PLXNA4: variants seen among roughly 807,000 people sequenced by gnomAD.
PLXNA4 encodes plexin A4, also known as plexin-A4.
A neutral mutation model predicts 191.8 loss-of-function variants in PLXNA4; 44 were observed. That is an observed-to-expected ratio of 0.23 (90% CI 0.18 to 0.29). The LOEUF is 0.29. PLXNA4 is among the 10% of genes least tolerant of loss of function. PLXNA4 has a pLI of 1.00. For missense variants in PLXNA4, 1,800 were observed against 2,488.8 expected, an observed-to-expected ratio of 0.72 and a Z score of 5.89; for synonymous variants, 1,082 against 1,009.5, an observed-to-expected ratio of 1.07 and a Z score of -1.36.
At position 132,442,506 on chromosome 7, in the gene PLXNA4, C is replaced by T. The variant is rs1404506244; in HGVS notation, c.1371+46786G>A. On this transcript the variant is annotated intron_variant, in intron 3 of 31. Coordinates refer to ENST00000321063, the MANE Select transcript of PLXNA4 (RefSeq NM_020911.2). ...TACTTTTCTCGAACGGGCAACTTTC[C>T]CCACCACCTACGTGTTCTTTCTAGA... Among the ~76,000 whole-genome samples, 3 of 152,192 alleles carry T rather than the reference C, an allele frequency of 2.0e-5. No homozygotes were observed. The East Asian group carries it at 5.8e-4, about 29-fold the overall frequency.
intron 3 of PLXNA4, among the ~76,000 whole-genome samples, chr7:132,307,193 C>A (rs995813188): frequency 2.0e-5 from 3 of 152,238 alleles, no homozygotes; most frequent in Non-Finnish European, 2.9e-5. Flanking sequence ...AGACTGCACT[C>A]ATAGAAGCAC....
chr7:132,584,210 A>G (rs1467867872), intron 2 of PLXNA4, among the ~76,000 whole-genome samples: 1 of 152,342 alleles, frequency 6.6e-6, no homozygotes, highest in African/African-American at 2.4e-5. Context: ...CTTTCTGTCC[A>G]TACCCCACCT....
At chr7:132,451,449 A>T (rs1316491214) in intron 3 of PLXNA4, among the ~76,000 whole-genome samples, 1 of 152,184 alleles carries the variant, frequency 6.6e-6, no homozygotes, top group Non-Finnish European at 1.5e-5. Context: ...TTGAGGAAGC[A>T]TGTCCACAAG....
At chr7:132,206,461 TG>T in intron 10 of PLXNA4, among the ~76,000 whole-genome samples, 1 of 151,946 alleles carries the variant, frequency 6.6e-6, no homozygotes, top group East Asian at 1.9e-4. Context: ...TGTGTGTGTG[TG>T]TGTGTGTGTG....
At chr7:132,281,606 C>T (rs1488152604) in intron 4 of PLXNA4, among the ~76,000 whole-genome samples, 1 of 152,160 alleles carries the variant, frequency 6.6e-6, no homozygotes, top group Non-Finnish European at 1.5e-5. Flanking sequence ...TCTTTTCTCT[C>T]CCCAAATGAT....
intron 14 of PLXNA4, among the ~76,000 whole-genome samples, chr7:132,190,222 T>C (rs1797043927): frequency 6.6e-6 from 1 of 152,230 alleles, no homozygotes; most frequent in South Asian, 2.1e-4. Context: ...AAATTCCATC[T>C]TTGCCTCCAG....
intron 25 of PLXNA4, among the ~76,000 whole-genome samples, chr7:132,149,609 G>A (rs1332793026): frequency 3.3e-5 from 5 of 152,208 alleles, no homozygotes; most frequent in South Asian, 4.1e-4. Flanking sequence ...CAAATGCAAC[G>A]TGTGTTCCAG....
intron 3 of PLXNA4, among the ~76,000 whole-genome samples, chr7:132,447,809 G>A (rs1795967190): frequency 6.9e-6 from 1 of 145,656 alleles, no homozygotes; most frequent in East Asian, 2.1e-4. Flanking sequence ...ACAACATGGT[G>A]AAGCCCACCT....
At chr7:132,402,307 C>T (rs982773988) in intron 3 of PLXNA4, among the ~76,000 whole-genome samples, 18 of 152,194 alleles carry the variant, frequency 1.2e-4, no homozygotes, top group African/African-American at 4.3e-4. Context: ...AGGTGCCAGA[C>T]ACCCTGACGG....
At chr7:132,321,365 C>CTT (rs112669559) in intron 3 of PLXNA4, among the ~76,000 whole-genome samples, 4 of 143,994 alleles carry the variant, frequency 2.8e-5, no homozygotes, top group South Asian at 4.5e-4. Context: ...TCTAGGCAAG[C>CTT]TTTTTTTTTT....
At chr7:132,628,300 C>G (rs1803421117) in intron 2 of PLXNA4, among the ~76,000 whole-genome samples, 1 of 152,168 alleles carries the variant, frequency 6.6e-6, no homozygotes, top group Non-Finnish European at 1.5e-5. Context: ...AAGACCCATG[C>G]TCTGTTGACT....
At chr7:132,288,686 C>T (rs1206296410) in intron 4 of PLXNA4, among the ~76,000 whole-genome samples, 1 of 152,172 alleles carries the variant, frequency 6.6e-6, no homozygotes, top group East Asian at 1.9e-4. Flanking sequence ...GCTCGGCCCC[C>T]ACAGGGGCAG....
In PLXNA4 at chr7:132,211,099, C is replaced by T; in HGVS notation, c.2142G>A (p.Val714=). Residue 714 remains valine, a synonymous_variant, in exon 10 of 32, where the codon GTG becomes GTA. Transcript: ENST00000321063. Reference sequence around the variant, plus strand: ...TCAGCGTGATAGGCTTGATCACCTCCACGGGCACCAGGATCTTGTCCACTC... The same window carrying T: ...TCAGCGTGATAGGCTTGATCACCTCTACGGGCACCAGGATCTTGTCCACTC... ...LLRVDKILVP[V]EVIKPITLKA... is the part of the protein sequence containing the mutation. 1.3e-6 allele frequency: 2 copies of T among 1,582,222 alleles called. No individual in the cohort carries two copies. Among genetic ancestry groups the T allele is most frequent in the Non-Finnish European group, 1.7e-6 (2 of 1,163,796 alleles).
At chr7:132,418,505 T>C (rs991590490) in intron 3 of PLXNA4, among the ~76,000 whole-genome samples, 2 of 152,224 alleles carry the variant, frequency 1.3e-5, no homozygotes, top group African/African-American at 4.8e-5. Flanking sequence ...CACATCCTAA[T>C]GCTCTGTGTG....
intron 4 of PLXNA4, among the ~76,000 whole-genome samples, chr7:132,266,019 T>A (rs774184491): frequency 3.3e-5 from 5 of 152,158 alleles, no homozygotes; most frequent in Non-Finnish European, 5.9e-5. Context: ...GTTGACTCAG[T>A]ATCAATGTGT....
At chr7:132,531,039 G>A (rs890534313) in intron 1 of PLXNA4, among the ~76,000 whole-genome samples, 3 of 152,224 alleles carry the variant, frequency 2.0e-5, no homozygotes, top group African/African-American at 7.2e-5. Context: ...TTCCTACACA[G>A]AAAGTAGAAC....
chr7:132,554,620 C>T (rs920319075), intron 1 of PLXNA4, among the ~76,000 whole-genome samples: 1 of 152,198 alleles, frequency 6.6e-6, no homozygotes, highest in South Asian at 2.1e-4. Context: ...ATCGAGCACG[C>T]TCTGAACCAG....
chr7:132,287,585 C>T (rs751893300), intron 4 of PLXNA4, among the ~76,000 whole-genome samples: 1 of 152,188 alleles, frequency 6.6e-6, no homozygotes, highest in Non-Finnish European at 1.5e-5. Context: ...AGCCTCCATC[C>T]TGCACATGCT....
chr7:132,206,911 CG>C (rs1562921023), intron 10 of PLXNA4, among the ~76,000 whole-genome samples: 1 of 152,152 alleles, frequency 6.6e-6, no homozygotes, highest in East Asian at 1.9e-4. Flanking sequence ...TCCTGGAGGC[CG>C]GGAGGTTAAG....
Sources: gnomAD v4.1 joint callset for allele counts (sites outside exome capture counted in the v4.1 genomes callset) on GRCh38, gnomAD v4.1.1 for gene constraint, MANE v1.5 for transcripts, NCBI Gene and HGNC (gene_info 2026-07-23, HGNC 2026-07-21) for gene names.